GUCY1A2: variants seen among roughly 807,000 people sequenced by gnomAD.
GUCY1A2 encodes the protein guanylate cyclase 1 soluble subunit alpha 2, also known as guanylate cyclase soluble subunit alpha-2.
GUCY1A2 carries 27 observed loss-of-function variants against 63.5 expected under a neutral mutation model. That is an observed-to-expected ratio of 0.43 (90% CI 0.31 to 0.59). GUCY1A2 has a LOEUF of 0.59. Ranked by LOEUF, GUCY1A2 falls within the 20% of genes least tolerant of loss-of-function variation. The pLI is 0.11. For synonymous variants in GUCY1A2, 364 were observed against 343.5 expected, an observed-to-expected ratio of 1.06 and a Z score of -0.66; for missense variants, 768 against 913.3, an observed-to-expected ratio of 0.84 and a Z score of 2.05.
chr11:106,728,751 G>T (rs1863450120), intron 6 of GUCY1A2, among the ~76,000 whole-genome samples: 1 of 151,452 alleles, frequency 6.6e-6, no homozygotes, highest in African/African-American at 2.4e-5. Context: ...TTATCTGTTT[G>T]CATATTTGCA....
At chr11:106,887,367 C>T (rs1294293719) in intron 4 of GUCY1A2, among the ~76,000 whole-genome samples, 3 of 152,168 alleles carry the variant, frequency 2.0e-5, no homozygotes, top group Non-Finnish European at 1.5e-5. Context: ...CTGCCCTATT[C>T]ACCCTGTTGT....
chr11:106,724,103 C>A (rs1863363545), intron 6 of GUCY1A2, among the ~76,000 whole-genome samples: 1 of 152,158 alleles, frequency 6.6e-6, no homozygotes, highest in African/African-American at 2.4e-5. Context: ...GTGAGTGTAT[C>A]CAAGCCATGG....
intron 4 of GUCY1A2, among the ~76,000 whole-genome samples, chr11:106,899,750 G>A (rs1011756103): frequency 5.3e-5 from 8 of 152,002 alleles, no homozygotes; most frequent in Non-Finnish European, 7.4e-5. Flanking sequence ...AATAATGCAG[G>A]GCTTTCATAG....
chr11:107,006,379 C>T (rs183366566), intron 1 of GUCY1A2, among the ~76,000 whole-genome samples: 2,050 of 152,254 alleles, frequency 0.013, 29 homozygotes, highest in South Asian at 0.045. Flanking sequence ...AAAGTTATTT[C>T]CCCAAAGTCA....
At chr11:106,986,011 T>C in intron 2 of GUCY1A2, 59 bp downstream of exon 2, 5 of 871,500 alleles carry the variant, frequency 5.7e-6, no homozygotes, top group Non-Finnish European at 9.9e-6. Flanking sequence ...TCAACAGCTA[T>C]GTTTGAGTAA....
chr11:106,858,997 A>G (rs541919423), intron 4 of GUCY1A2, among the ~76,000 whole-genome samples: 8 of 152,122 alleles, frequency 5.3e-5, no homozygotes, highest in Non-Finnish European at 1.2e-4. Flanking sequence ...CATATAAGAT[A>G]CATAGGTTAT....
chr11:106,877,009 T>C (rs919106638), intron 4 of GUCY1A2, among the ~76,000 whole-genome samples: 1 of 152,000 alleles, frequency 6.6e-6, no homozygotes, highest in Non-Finnish European at 1.5e-5. Flanking sequence ...AGGGTCCTTA[T>C]AAGAACGAAG....
chr11:106,897,365 T>C lies in GUCY1A2; in HGVS notation c.1206+42095A>G, dbSNP rs186674859. ...AACTGATTCTTACGTTTACATGAAG[T>C]AGGCAAAATACTTGAAATATACAAC... On this transcript the variant is annotated intron_variant, in intron 4 of 7. Transcript: ENST00000526355. Among the ~76,000 whole-genome samples the C allele has an allele frequency of 2.6e-5, 4 of 152,178 alleles. No individual in the cohort carries two copies. The East Asian group carries it at 7.7e-4, about 29-fold the overall frequency.
At chr11:107,017,242 T>C (rs1043331017) in intron 1 of GUCY1A2, among the ~76,000 whole-genome samples, 2 of 152,142 alleles carry the variant, frequency 1.3e-5, no homozygotes, top group African/African-American at 2.4e-5. Context: ...AGAATGCAGA[T>C]AGCCTGTGGA....
At chr11:106,695,183 G>C (rs1271121014) in intron 7 of GUCY1A2, among the ~76,000 whole-genome samples, 1 of 152,066 alleles carries the variant, frequency 6.6e-6, no homozygotes, top group African/African-American at 2.4e-5. Context: ...TCCTCTTCCA[G>C]TCTTTGTGTG....
intron 5 of GUCY1A2, among the ~76,000 whole-genome samples, chr11:106,795,703 A>C (rs1169539339): frequency 2.0e-5 from 3 of 152,136 alleles, no homozygotes; most frequent in Non-Finnish European, 1.5e-5. Context: ...TTTTAACCCA[A>C]ATTTAAGATG....
intron 4 of GUCY1A2, among the ~76,000 whole-genome samples, chr11:106,907,991 C>T (rs1860236849): frequency 1.3e-5 from 2 of 152,014 alleles, no homozygotes; most frequent in East Asian, 3.9e-4. Flanking sequence ...ATTACACAAT[C>T]CAAATACAAT....
Position 106,855,894 on chromosome 11 carries a change from T to TTTCTTTTTTTA in GUCY1A2, c.1207-45417_1207-45416insTAAAAAAAGAA, listed in dbSNP as rs372010228. Among the ~76,000 whole-genome samples, 385 of 72,904 alleles carry TTTCTTTTTTTA rather than the reference T, an allele frequency of 5.3e-3. 1 individual carries two copies. Among genetic ancestry groups the TTTCTTTTTTTA allele is most frequent in the African/African-American group, 0.023 (359 of 15,294 alleles). 47.8% of individuals were successfully genotyped at this position (72,904 alleles called of 152,430 possible). ...TTTTATCTGTTTGGGTCTCTTGTAT[T>TTTCTTTTTTTA]TTATTTATTTATTTATTTATTTATT... On this transcript the variant is annotated intron_variant, in intron 4 of 7. Transcript: ENST00000526355.
At position 106,682,363 on chromosome 11, in the gene GUCY1A2, A is replaced by G. The variant is rs1041423693; in HGVS notation, c.*5186T>C. The G allele has an allele frequency of 9.3e-6, 2 of 215,346 alleles. No individual in the cohort carries two copies. The highest frequency in any genetic ancestry group is 2.3e-5 in the African/African-American group (1 of 44,178). The allele number at this position is 215,346 out of a possible 1,614,324, so 13.3% of individuals were successfully genotyped here. ...TTCCCAAGTCTGGCTGTATATTAGC[A>G]TTACTTAGAGTGATTTTCTAAACAC... On this transcript the variant is annotated 3_prime_UTR_variant, in exon 8 of 8. Coordinates refer to ENST00000526355, the MANE Select transcript of GUCY1A2 (RefSeq NM_000855.3).
At chr11:106,918,117 G>A (rs1172084764) in intron 4 of GUCY1A2, among the ~76,000 whole-genome samples, 1 of 143,738 alleles carries the variant, frequency 7.0e-6, no homozygotes, top group African/African-American at 2.5e-5. Flanking sequence ...AGGGTATAAC[G>A]CCCCTGTTTG....
intron 6 of GUCY1A2, among the ~76,000 whole-genome samples, chr11:106,765,129 A>G (rs893176575): frequency 1.3e-5 from 2 of 151,178 alleles, no homozygotes; most frequent in Admixed American, 1.3e-4. Flanking sequence ...AATTGCATAT[A>G]TGCCCTTCTT....
intron 4 of GUCY1A2, among the ~76,000 whole-genome samples, chr11:106,833,549 C>T (rs1231908648): frequency 6.6e-6 from 1 of 152,048 alleles, no homozygotes; most frequent in Non-Finnish European, 1.5e-5. Context: ...ATTTATTTTA[C>T]TACCTTTTCT....
chr11:106,997,005 G>C (rs1338919562), intron 1 of GUCY1A2, among the ~76,000 whole-genome samples: 1 of 151,696 alleles, frequency 6.6e-6, no homozygotes, highest in Non-Finnish European at 1.5e-5. Flanking sequence ...CACTTTTTCT[G>C]GAAAAAAAAT....
intron 4 of GUCY1A2, among the ~76,000 whole-genome samples, chr11:106,924,483 A>T (rs1860494359): frequency 6.6e-6 from 1 of 152,196 alleles, no homozygotes; most frequent in African/African-American, 2.4e-5. Flanking sequence ...CAGGCCACGC[A>T]TTGTGGCACA....
Sources: gnomAD v4.1 joint callset for allele counts (sites outside exome capture counted in the v4.1 genomes callset) on GRCh38, gnomAD v4.1.1 for gene constraint, MANE v1.5 for transcripts, NCBI Gene and HGNC (gene_info 2026-07-23, HGNC 2026-07-21) for gene names.